HSPG2: variants seen among roughly 807,000 people sequenced by gnomAD.
HSPG2 encodes the protein heparan sulfate proteoglycan 2, also known as basement membrane-specific heparan sulfate proteoglycan core protein.
In HSPG2, 278 loss-of-function variants were observed where a neutral mutation model predicts 526.6. The ratio of observed to expected loss-of-function variants is 0.53; its 90% CI spans 0.48 to 0.58. HSPG2 has a LOEUF of 0.58. Ranked by LOEUF, HSPG2 falls within the 20% of genes least tolerant of loss-of-function variation. The pLI is 0.00. For synonymous variants in HSPG2, 2,465 were observed against 2,555.4 expected, an observed-to-expected ratio of 0.96 and a Z score of 1.07; for missense variants, 5,354 against 6,099.5, an observed-to-expected ratio of 0.88 and a Z score of 4.07.
chr1:21,850,216 A>G (rs1246126005), intron 56 of HSPG2, 24 bp from the exon 57 acceptor site: 5 of 1,613,096 alleles, frequency 3.1e-6, no homozygotes, highest in Non-Finnish European at 4.2e-6. Flanking sequence ...GCAAAGGGTC[A>G]ATAGCCGGCT....
chr1:21,835,022 A>G (rs745549090), intron 76 of HSPG2, 77 bp from the exon 77 acceptor site: 2 of 1,516,662 alleles, frequency 1.3e-6, no homozygotes, highest in Non-Finnish European at 1.8e-6. Flanking sequence ...AGACTGCCCA[A>G]GGAAAGGTGA....
intron 6 of HSPG2, chr1:21,888,710 G>A (rs1321036671): frequency 1.2e-5 from 16 of 1,365,350 alleles, no homozygotes; most frequent in Non-Finnish European, 1.6e-5. Flanking sequence ...GGGGGTGGGG[G>A]GGTCTGTGCT....
At chr1:21,879,192 A>T in intron 17 of HSPG2, 71 bp from the exon 18 acceptor site, 1 of 1,592,274 alleles carries the variant, frequency 6.3e-7, no homozygotes, top group Non-Finnish European at 8.6e-7. Flanking sequence ...GGGACCTTGG[A>T]GGCTGTCTAG....
chr1:21,842,972 A>G (rs752336838), intron 66 of HSPG2, 51 bp from the exon 67 acceptor site: 2 of 1,604,542 alleles, frequency 1.2e-6, no homozygotes, highest in South Asian at 2.2e-5. Flanking sequence ...GGATCAAGGC[A>G]GGGGCTGAAG....
Position 21,822,300 on chromosome 1 carries a change from C to A in HSPG2, c.*1016G>T. The A allele has an allele frequency of 7.1e-7, 1 of 1,415,994 alleles. No homozygotes were observed. Among genetic ancestry groups the A allele is most frequent in the South Asian group, 1.2e-5 (1 of 86,480 alleles). 87.7% of individuals were successfully genotyped at this position (1,415,994 alleles called of 1,614,324 possible). ...TCAAGACAAAGACCACAGGAGGGTC[C>A]CTTCTAGGACACAGAGGCCAGGCGT... On this transcript the variant is annotated 3_prime_UTR_variant, in exon 97 of 97. Transcript: ENST00000374695.
rs1164006708 is a variant in HSPG2, at chr1:21,887,841, A to C, written c.703+97T>G. On this transcript the variant is annotated intron_variant, in intron 7 of 96. Transcript: ENST00000374695. The surrounding 1 kb of genome is among the most constrained non-coding windows in gnomAD (Gnocchi z 5.0). ...TATGCCCCCATCCTCTGCCTGCACCAAACCCTCATAGTCCTTGATGGGCTC... is the reference window on the plus strand; with the variant it reads ...TATGCCCCCATCCTCTGCCTGCACCCAACCCTCATAGTCCTTGATGGGCTC... 2 of 1,593,340 alleles carry C rather than the reference A, an allele frequency of 1.3e-6. No individual in the cohort carries two copies. Among genetic ancestry groups the C allele is most frequent in the African/African-American group, 1.4e-5 (1 of 73,822 alleles).
At chr1:21,916,183 A>C (rs538224102) in intron 1 of HSPG2, among the ~76,000 whole-genome samples, 1 of 151,172 alleles carries the variant, frequency 6.6e-6, no homozygotes, top group Non-Finnish European at 1.5e-5. Flanking sequence ...TGGCCAACAT[A>C]GTGAAACTCC....
At chr1:21,928,226 C>T (rs1361463004) in intron 1 of HSPG2, among the ~76,000 whole-genome samples, 1 of 152,216 alleles carries the variant, frequency 6.6e-6, no homozygotes, top group African/African-American at 2.4e-5. Context: ...AGGGAAGTGG[C>T]TCTGAGACCA....
In HSPG2 at chr1:21,841,665, G is replaced by C; in HGVS notation, c.9202C>G (p.His3068Asp). The C allele has an allele frequency of 6.2e-7, 1 of 1,614,168 alleles. No individual in the cohort carries two copies. The highest frequency in any genetic ancestry group is 8.5e-7 in the Non-Finnish European group (1 of 1,180,022). ...TRNQELEDNV[H>D]ISPNGSIITI... is the part of the protein sequence containing the mutation. ...ATGATGGAGCCATTGGGACTGATGT[G>C]GACGTTGTCTGTGAGGTTGCATGGG... Residue 3068 changes from histidine (H) to aspartate (D), a missense_variant, in exon 70 of 97, where the codon CAC becomes GAC. Transcript: ENST00000374695.
In HSPG2 at chr1:21,876,559, T is replaced by C. The variant is rs752194042; in HGVS notation, c.2779A>G (p.Met927Val). The stretch of plus-strand genomic sequence containing the variant: ...CTGGTGCAGTGGCGACTGACACCCA[T>C]GCAGAAGCACTTGAGGCAGCCATCG... ...NPDGCLKCFC[M>V]GVSRHCTSSS... Residue 927 changes from methionine (M) to valine (V), a missense_variant, in exon 22 of 97, where the codon ATG becomes GTG. Coordinates refer to ENST00000374695, the MANE Select transcript of HSPG2 (RefSeq NM_005529.7). 3 of 1,614,222 alleles carry C rather than the reference T, an allele frequency of 1.9e-6. No individual in the cohort carries two copies. The highest frequency in any genetic ancestry group is 1.7e-5 in the Admixed American group (1 of 60,024).
chr1:21,835,171 T>C (rs1030646316), intron 76 of HSPG2: 5 of 646,306 alleles, frequency 7.7e-6, no homozygotes, highest in Non-Finnish European at 1.4e-5. Context: ...AGGGTCTTGG[T>C]TGTATTCACA....
Position 21,850,138 on chromosome 1 carries a change from T to A in HSPG2, c.7349A>T (p.Glu2450Val), listed in dbSNP as rs764954241. The change falls in exon 57 of 97, where the codon GAG (glutamate) becomes GTG (valine). Residue 2450 changes from glutamate (E) to valine (V), a missense_variant. Coordinates refer to ENST00000374695, the MANE Select transcript of HSPG2 (RefSeq NM_005529.7). ...RIESSSSQVA[E>V]GQTLDLNCLV... Reference sequence around the variant, plus strand: ...GCAGTTCAGGTCCAGGGTCTGCCCCTCGGCCACTTGCGAAGACGATGACTC... The same window carrying A: ...GCAGTTCAGGTCCAGGGTCTGCCCCACGGCCACTTGCGAAGACGATGACTC... The A allele has an allele frequency of 4.2e-5, 67 of 1,613,350 alleles. No homozygotes were observed. Among genetic ancestry groups the A allele is most frequent in the Admixed American group, 2.0e-4 (12 of 60,028 alleles).
At position 21,887,076 on chromosome 1, in the gene HSPG2, G is replaced by GCAAA. The variant is rs1483620586; in HGVS notation, c.1078+135_1078+138dup. 2.1e-6 allele frequency: 2 copies of GCAAA among 956,952 alleles called. No homozygotes were observed. The highest frequency in any genetic ancestry group is 4.5e-5 in the Admixed American group (2 of 44,178). The allele number at this position is 956,952 out of a possible 1,614,324, so 59.3% of individuals were successfully genotyped here. On this transcript the variant is annotated intron_variant, in intron 9 of 96. Transcript: ENST00000374695. The surrounding 1 kb of genome is among the most constrained non-coding windows in gnomAD (Gnocchi z 5.0). The stretch of plus-strand genomic sequence containing the variant: ...GGCCTTCCGCACTCAGCCAGGGAGA[G>GCAAA]CAAACAAACAGGCTTGGGGGACTGG...
chr1:21,838,005 G>A (rs990489174), intron 74 of HSPG2, among the ~76,000 whole-genome samples: 3 of 151,822 alleles, frequency 2.0e-5, no homozygotes, highest in Admixed American at 6.6e-5. Context: ...GCGTGGTGGC[G>A]CGTGCCTGTA....
At chr1:21,841,750 C>T in intron 69 of HSPG2, 77 bp from the exon 70 acceptor site, 1 of 1,571,594 alleles carries the variant, frequency 6.4e-7, no homozygotes, top group Non-Finnish European at 8.7e-7. Context: ...AGCCTGTGCC[C>T]CTGGGCCCAC....
intron 57 of HSPG2, among the ~76,000 whole-genome samples, chr1:21,849,353 G>A (rs1024914941): frequency 3.9e-5 from 6 of 152,174 alleles, no homozygotes; most frequent in African/African-American, 1.4e-4. Flanking sequence ...CCAAGGCCTG[G>A]CCATCAGCTC....
chr1:21,902,782 C>T (rs1643171151), intron 1 of HSPG2, among the ~76,000 whole-genome samples: 1 of 152,230 alleles, frequency 6.6e-6, no homozygotes, highest in South Asian at 2.1e-4. Context: ...GGGCAGGAAG[C>T]TGGGGTCTGG....
chr1:21,876,753 G>A (rs1641099787), intron 21 of HSPG2, 101 bp from the exon 22 acceptor site: 1 of 1,516,360 alleles, frequency 6.6e-7, no homozygotes, highest in Non-Finnish European at 9.0e-7. Context: ...CAAGACCCAG[G>A]GGAGCCACTG....
In HSPG2 at chr1:21,862,003, G is replaced by T; in HGVS notation, c.4853C>A (p.Thr1618Asn). 6.2e-7 allele frequency: 1 copy of T among 1,614,208 alleles called. No individual in the cohort carries two copies. The highest frequency in any genetic ancestry group is 8.5e-7 in the Non-Finnish European group (1 of 1,180,040). ...GGGTACCCACATGTTCTCTGGGTTG[G>T]TCAGTGGGCAGGCACAGGGCTGGCA... is the stretch of plus-strand genomic sequence containing the variant. The part of the protein sequence containing the change: ...EDCQPCACPL[T>N]NPENMFSRTC... Residue 1618 changes from threonine to asparagine, a missense_variant, in exon 38 of 97, where the codon ACC becomes AAC. Transcript: ENST00000374695.
Sources: allele counts gnomAD v4.1 joint callset (sites outside exome capture counted in the v4.1 genomes callset), GRCh38; gene constraint gnomAD v4.1.1; non-coding constraint Gnocchi (gnomAD v3.1); transcripts MANE v1.5; gene names NCBI Gene and HGNC (gene_info 2026-07-23, HGNC 2026-07-21).